Variants in SLC12A6 observed in about 807,000 individuals in gnomAD.
SLC12A6 encodes the protein solute carrier family 12 member 6, also known as K-Cl cotransporter 3.
A neutral mutation model predicts 135.3 loss-of-function variants in SLC12A6; 66 were observed. The ratio of observed to expected loss-of-function variants is 0.49; its 90% CI spans 0.40 to 0.60. SLC12A6 has a LOEUF of 0.60. Among genes scored for constraint, SLC12A6 ranks in the 20% least tolerant of loss-of-function variants. The pLI, the probability that SLC12A6 is intolerant of heterozygous loss-of-function variation, is 0.00. For missense variants in SLC12A6, 1,058 were observed against 1,452.3 expected (o/e 0.73, Z 4.41); for synonymous variants, 513 against 508.8 (o/e 1.01, Z -0.11).
At chr15:34,250,597 A>C in intron 12 of SLC12A6, 34 bp downstream of exon 12, 1 of 1,153,492 alleles carries the variant, frequency 8.7e-7, no homozygotes, top group East Asian at 2.3e-5. Flanking sequence ...TGCTCCTATG[A>C]CTAAGACTCA....
At chr15:34,240,113 A>G (rs1304545879) in intron 19 of SLC12A6, among the ~76,000 whole-genome samples, 1 of 151,764 alleles carries the variant, frequency 6.6e-6, no homozygotes, top group Non-Finnish European at 1.5e-5. Context: ...CCCCACAGTA[A>G]AACTTTTGAA....
Position 34,233,812 on chromosome 15 carries a change from G to C in SLC12A6, c.*69C>G. ...CTAGTTGAGTGGGAGTGGTAGTAAT[G>C]AGCTGGCACTTCCATGGAGGACGTA... On this transcript the variant is annotated 3_prime_UTR_variant, in exon 26 of 26. Coordinates refer to ENST00000354181, the MANE Select transcript of SLC12A6 (RefSeq NM_001365088.1). The C allele has an allele frequency of 1.2e-6, 1 of 823,420 alleles. No homozygotes were observed. The highest frequency in any genetic ancestry group is 2.2e-6 in the Non-Finnish European group (1 of 461,208). 51.0% of individuals were successfully genotyped at this position (823,420 alleles called of 1,614,324 possible).
rs200634221 is a variant in SLC12A6, at chr15:34,243,941, C to T, written c.2042+33G>A. On this transcript the variant is annotated intron_variant, in intron 16 of 25. Coordinates refer to ENST00000354181, the MANE Select transcript of SLC12A6 (RefSeq NM_001365088.1). ...AGTTCAAAGATGGGTTCTCTCCAAACGTGAGTAAAAAGAATAAAAGAAGCA... is the reference window on the plus strand; with the variant it reads ...AGTTCAAAGATGGGTTCTCTCCAAATGTGAGTAAAAAGAATAAAAGAAGCA... The T allele has an allele frequency of 7.0e-5, 88 of 1,263,798 alleles. No homozygotes were observed. The African/African-American group carries it at 8.8e-4, about 13-fold the overall frequency. 78.3% of individuals were successfully genotyped at this position (1,263,798 alleles called of 1,614,324 possible).
chr15:34,272,537 G>T (rs1894035493), intron 3 of SLC12A6, among the ~76,000 whole-genome samples: 1 of 152,174 alleles, frequency 6.6e-6, no homozygotes, highest in Non-Finnish European at 1.5e-5. Flanking sequence ...TGGCAGGATG[G>T]ACATACCTGA....
In SLC12A6 at chr15:34,255,285, G is replaced by A; in HGVS notation, c.853C>T (p.Leu285Phe). Reference protein sequence around the residue: ...GTTFAAAMYILGAIEIFLVYI... With the variant: ...GTTFAAAMYIFGAIEIFLVYI... ...ACCAGAAAGATTTCAATGGCACCAAGGATGTACATGGCTGCTGCAAATGTG... is the reference window on the plus strand; with the variant it reads ...ACCAGAAAGATTTCAATGGCACCAAAGATGTACATGGCTGCTGCAAATGTG... The change falls in exon 8 of 26, where the codon CTT (leucine) becomes TTT (phenylalanine). Residue 285 changes from leucine to phenylalanine, a missense_variant. Transcript: ENST00000354181. 1 of 1,609,740 alleles carries A rather than the reference G, an allele frequency of 6.2e-7. No homozygotes were observed. The highest frequency in any genetic ancestry group is 8.5e-7 in the Non-Finnish European group (1 of 1,175,968).
intron 3 of SLC12A6, among the ~76,000 whole-genome samples, chr15:34,265,971 T>G (rs145349732): frequency 1.2e-3 from 183 of 149,702 alleles, no homozygotes; most frequent in African/African-American, 4.5e-3. Context: ...GAGAGTGTGC[T>G]AATAGTTCAT....
chr15:34,262,989 A>G (rs1387113596), intron 3 of SLC12A6, among the ~76,000 whole-genome samples: 2 of 152,222 alleles, frequency 1.3e-5, no homozygotes, highest in Middle Eastern at 3.2e-3. Flanking sequence ...TCTGGCTGGC[A>G]AAGTGGCCAA....
rs1460183162 is a variant in SLC12A6 at position 34,240,816 on chromosome 15, C to T, written c.2281G>A (p.Val761Ile). 1.2e-6 allele frequency: 2 copies of T among 1,613,198 alleles called. No individual in the cohort carries two copies. The highest frequency in any genetic ancestry group is 1.7e-6 in the Non-Finnish European group (2 of 1,179,692). The change falls in exon 19 of 26, where the codon GTA becomes ATA. Residue 761 changes from valine (V) to isoleucine (I), a missense_variant. Around this residue, in one of 6 missense-constraint regions of SLC12A6, gnomAD observed 170 missense variants for 297.6 expected, o/e 0.57. Coordinates refer to ENST00000354181, the MANE Select transcript of SLC12A6 (RefSeq NM_001365088.1). ...HTKNWRPQLL[V>I]LLKLDEDLHV... ...AAGTCTTCATCTAGTTTCAGTAATA[C>T]AAGCAACTGAGGCCTGTGAAGAGGT...
chr15:34,303,071 T>C (rs775807600), intron 2 of SLC12A6, among the ~76,000 whole-genome samples: 9 of 152,122 alleles, frequency 5.9e-5, no homozygotes, highest in Non-Finnish European at 1.0e-4. Flanking sequence ...AAAGATGGTT[T>C]TGGAAAAATA....
In SLC12A6 at chr15:34,301,717, TGGTGGCTCACGC is replaced by T. The variant is rs1332194717; in HGVS notation, c.272-26340_272-26329del. Among the ~76,000 whole-genome samples, 542 of 151,998 alleles carry T rather than the reference TGGTGGCTCACGC, an allele frequency of 3.6e-3. 4 individuals carry two copies. Among genetic ancestry groups the T allele is most frequent in the African/African-American group, 0.012 (519 of 41,564 alleles). On this transcript the variant is annotated intron_variant, in intron 2 of 25. Coordinates refer to ENST00000354181, the MANE Select transcript of SLC12A6 (RefSeq NM_001365088.1). The stretch of plus-strand genomic sequence containing the variant: ...AAAGACAGCCAGACAAGGCTGGGCG[TGGTGGCTCACGC>T]CTGTAATCCCAGTGCTTTGGGAGGC...
At chr15:34,236,337 T>C (rs1454617948) in intron 23 of SLC12A6, 138 bp from the exon 24 acceptor site, 6 of 733,418 alleles carry the variant, frequency 8.2e-6, no homozygotes, top group Non-Finnish European at 1.2e-5. Flanking sequence ...GAAAACAATA[T>C]AGTATCATCC....
chr15:34,298,249 G>A (rs986000608), intron 2 of SLC12A6, among the ~76,000 whole-genome samples: 2 of 152,100 alleles, frequency 1.3e-5, no homozygotes, highest in Non-Finnish European at 2.9e-5. Flanking sequence ...GGCCGAGGCA[G>A]GTGGATCACA....
At chr15:34,310,569 G>A (rs201773305) in intron 2 of SLC12A6, among the ~76,000 whole-genome samples, 2,265 of 69,328 alleles carry the variant, frequency 0.033, 133 homozygotes, top group East Asian at 0.08. Flanking sequence ...GTGTGTGTGT[G>A]TATGTGTGTG....
chr15:34,229,858 T>TC lies in SLC12A6; in HGVS notation c.*4022dup. The TC allele has an allele frequency of 6.9e-7, 1 of 1,439,918 alleles. No individual in the cohort carries two copies. The highest frequency in any genetic ancestry group is 1.1e-5 in the South Asian group (1 of 87,496). The allele number at this position is 1,439,918 out of a possible 1,614,324, so 89.2% of individuals were successfully genotyped here. A position where few individuals can be genotyped will look rare whatever the true frequency, so the allele number is the denominator to read the frequency against. Reference sequence around the variant, plus strand: ...TACATCCTTCTTTAAGCCCAGTGGCTCCTCAGCATACTCTTAAACTAATCA... The same window carrying TC: ...TACATCCTTCTTTAAGCCCAGTGGCTCCCTCAGCATACTCTTAAACTAATCA... On this transcript the variant is annotated 3_prime_UTR_variant, in exon 26 of 26. Transcript: ENST00000354181.
intron 2 of SLC12A6, among the ~76,000 whole-genome samples, chr15:34,325,968 T>C (rs1166868426): frequency 6.6e-6 from 1 of 152,206 alleles, no homozygotes; most frequent in Non-Finnish European, 1.5e-5. Flanking sequence ...CCTGCCCAGC[T>C]ACTTTTTCAA....
At chr15:34,258,384 T>C (rs1266587058) in intron 5 of SLC12A6, among the ~76,000 whole-genome samples, 2 of 152,194 alleles carry the variant, frequency 1.3e-5, no homozygotes, top group Non-Finnish European at 2.9e-5. Context: ...TGAAAAGCTA[T>C]TCCCTCTCCC....
At chr15:34,310,869 C>T (rs1888205112) in intron 2 of SLC12A6, among the ~76,000 whole-genome samples, 1 of 150,980 alleles carries the variant, frequency 6.6e-6, no homozygotes, top group South Asian at 2.1e-4. Context: ...ATCTGCCCAC[C>T]TTGGCCACCC....
chr15:34,271,447 A>C (rs568077223), intron 3 of SLC12A6, among the ~76,000 whole-genome samples: 9 of 151,822 alleles, frequency 5.9e-5, no homozygotes, highest in African/African-American at 1.9e-4. Flanking sequence ...CTCAAAACTG[A>C]GGTAGTAGTT....
At chr15:34,318,527 A>G (rs376041304) in intron 2 of SLC12A6, 27 of 1,553,134 alleles carry the variant, frequency 1.7e-5, no homozygotes, top group Non-Finnish European at 2.3e-5. Flanking sequence ...GAAACATTTT[A>G]TAGGTTCCAA....
Sources: gnomAD v4.1 joint callset for allele counts (sites outside exome capture counted in the v4.1 genomes callset) on GRCh38, gnomAD v4.1.1 for gene constraint, gnomAD v4.1.1 regional missense constraint, MANE v1.5 for transcripts, NCBI Gene and HGNC (gene_info 2026-07-23, HGNC 2026-07-21) for gene names.